Variants in MIPOL1 observed in about 807,000 individuals in gnomAD.
MIPOL1 encodes mirror-image polydactyly 1.
A neutral mutation model predicts 60.9 loss-of-function variants in MIPOL1; 57 were observed. The observed-to-expected ratio is 0.94, with a 90% CI of 0.76 to 1.17. MIPOL1 has a LOEUF of 1.17. Among genes scored for constraint, MIPOL1 ranks in the 50% most tolerant of loss-of-function variants. The pLI, the probability that MIPOL1 is intolerant of heterozygous loss-of-function variation, is 0.00. For missense variants in MIPOL1, 551 were observed against 511.6 expected (o/e 1.08, Z -0.74); for synonymous variants, 179 against 168.8 (o/e 1.06, Z -0.47).
At chr14:37,527,147 T>C (rs1395526664) in intron 12 of MIPOL1, among the ~76,000 whole-genome samples, 1 of 152,086 alleles carries the variant, frequency 6.6e-6, no homozygotes, top group East Asian at 1.9e-4. Context: ...TTATAAAAAC[T>C]CTGAGTAGTA....
chr14:37,313,908 T>C (rs2087609093), intron 9 of MIPOL1, among the ~76,000 whole-genome samples: 1 of 152,148 alleles, frequency 6.6e-6, no homozygotes, highest in South Asian at 2.1e-4. Flanking sequence ...TATTTTCACA[T>C]CCTTCAACCT....
At chr14:37,214,413 A>G (rs149483053) in intron 1 of MIPOL1, among the ~76,000 whole-genome samples, 2 of 152,314 alleles carry the variant, frequency 1.3e-5, no homozygotes, top group African/African-American at 2.4e-5. Flanking sequence ...GATTAAAATA[A>G]TGGGTTATAG....
At chr14:37,539,418 T>A (rs1160785796) in intron 12 of MIPOL1, among the ~76,000 whole-genome samples, 1 of 152,120 alleles carries the variant, frequency 6.6e-6, no homozygotes, top group Non-Finnish European at 1.5e-5. Flanking sequence ...CAACGCTCAG[T>A]CTAAGCCCAT....
intron 12 of MIPOL1, among the ~76,000 whole-genome samples, chr14:37,527,895 C>T (rs2095457329): frequency 6.6e-6 from 1 of 151,806 alleles, no homozygotes; most frequent in Non-Finnish European, 1.5e-5. Flanking sequence ...AGTTTTTGAG[C>T]TTAATTCTCT....
At chr14:37,400,638 A>G (rs1206935767) in intron 10 of MIPOL1, 4 of 152,160 alleles carry the variant, frequency 2.6e-5, no homozygotes, top group African/African-American at 9.6e-5. Flanking sequence ...TGAATGAATA[A>G]TAGAGAAGAA....
intron 9 of MIPOL1, among the ~76,000 whole-genome samples, chr14:37,318,159 T>G (rs1190017964): frequency 6.6e-6 from 1 of 152,184 alleles, no homozygotes; most frequent in Non-Finnish European, 1.5e-5. Context: ...AGAATCCTGG[T>G]CAATGATGTA....
chr14:37,515,675 G>A (rs2095363963), intron 12 of MIPOL1, among the ~76,000 whole-genome samples: 2 of 152,146 alleles, frequency 1.3e-5, no homozygotes, highest in African/African-American at 2.4e-5. Context: ...GCTAAGTTAT[G>A]TGTATTTCAC....
At chr14:37,409,951 G>A (rs1282879599) in intron 10 of MIPOL1, among the ~76,000 whole-genome samples, 3 of 152,058 alleles carry the variant, frequency 2.0e-5, no homozygotes, top group Admixed American at 6.5e-5. Context: ...GAATACAGGC[G>A]ATCCAGGAAA....
chr14:37,392,970 G>C (rs532999556), intron 10 of MIPOL1, among the ~76,000 whole-genome samples: 1 of 152,144 alleles, frequency 6.6e-6, no homozygotes, highest in Admixed American at 6.6e-5. Context: ...AAATGTAATT[G>C]AGTTAAAATA....
intron 11 of MIPOL1, among the ~76,000 whole-genome samples, chr14:37,457,466 G>A (rs564595877): frequency 1.1e-4 from 17 of 152,236 alleles, no homozygotes; most frequent in Non-Finnish European, 2.2e-4. Context: ...ACACTTGGCA[G>A]TAGTGAGATG....
At chr14:37,219,130 C>A (rs941497248) in intron 1 of MIPOL1, among the ~76,000 whole-genome samples, 1 of 152,016 alleles carries the variant, frequency 6.6e-6, no homozygotes, top group Non-Finnish European at 1.5e-5. Context: ...AAGTTACTAA[C>A]AGGAATCATC....
chr14:37,336,885 C>T (rs1393990935), intron 9 of MIPOL1, among the ~76,000 whole-genome samples: 5 of 151,930 alleles, frequency 3.3e-5, no homozygotes, highest in Non-Finnish European at 7.4e-5. Context: ...CTCAGCCTCC[C>T]GAGTAGCTGG....
rs756604780 is a variant in MIPOL1 at position 37,369,507 on chromosome 14, C to T, written c.829-10C>T. 4 of 1,602,512 alleles carry T rather than the reference C, an allele frequency of 2.5e-6. No homozygotes were observed. Among genetic ancestry groups the T allele is most frequent in the Admixed American group, 1.7e-5 (1 of 59,612 alleles). Reference sequence around the variant, plus strand: ...CTCCTTTACTTAATGGGATTCTTCCCCTGTGGCAGTGCAAACGGTTAGAGC... The same window carrying T: ...CTCCTTTACTTAATGGGATTCTTCCTCTGTGGCAGTGCAAACGGTTAGAGC... On this transcript the variant is annotated splice_polypyrimidine_tract_variant and intron_variant, in intron 9 of 12. Transcript: ENST00000684589.
At chr14:37,434,828 T>G (rs1451002734) in intron 11 of MIPOL1, among the ~76,000 whole-genome samples, 1 of 147,568 alleles carries the variant, frequency 6.8e-6, no homozygotes, top group Non-Finnish European at 1.5e-5. Context: ...CAAAGTCTAC[T>G]GATTAAACAT....
At chr14:37,337,789 A>T (rs926393809) in intron 9 of MIPOL1, among the ~76,000 whole-genome samples, 2 of 152,048 alleles carry the variant, frequency 1.3e-5, no homozygotes, top group Admixed American at 6.6e-5. Context: ...AAGTTGTTTT[A>T]ATCAGATATA....
chr14:37,215,254 C>T (rs536647249), intron 1 of MIPOL1, among the ~76,000 whole-genome samples: 2 of 152,140 alleles, frequency 1.3e-5, no homozygotes, highest in African/African-American at 4.8e-5. Context: ...ACCCTGCCCC[C>T]TTGTCTTGTA....
At chr14:37,355,867 T>C (rs1054257066) in intron 9 of MIPOL1, among the ~76,000 whole-genome samples, 4 of 149,808 alleles carry the variant, frequency 2.7e-5, no homozygotes, top group Non-Finnish European at 6.0e-5. Flanking sequence ...CTCCTGTAGC[T>C]CAGAGTAATT....
In MIPOL1 at chr14:37,548,727, C is replaced by T. The variant is rs937626303; in HGVS notation, c.*1756C>T. On this transcript the variant is annotated 3_prime_UTR_variant, in exon 13 of 13. Coordinates refer to ENST00000684589, the MANE Select transcript of MIPOL1 (RefSeq NM_001388067.1). Reference sequence around the variant, plus strand: ...TAAATCACAAGTAAATTTGAATTTTCGGTTTAATGTTGAAAGCAGATGAAC... The same window carrying T: ...TAAATCACAAGTAAATTTGAATTTTTGGTTTAATGTTGAAAGCAGATGAAC... The T allele has an allele frequency of 2.0e-5, 3 of 151,886 alleles. No homozygotes were observed. Among genetic ancestry groups the T allele is most frequent in the African/African-American group, 7.2e-5 (3 of 41,428 alleles). The allele number at this position is 151,886 out of a possible 1,614,324, so 9.4% of individuals were successfully genotyped here. A position where few individuals can be genotyped will look rare whatever the true frequency, so the allele number is the denominator to read the frequency against.
At chr14:37,397,212 C>T (rs1286920141) in intron 10 of MIPOL1, among the ~76,000 whole-genome samples, 1 of 152,100 alleles carries the variant, frequency 6.6e-6, no homozygotes, top group Non-Finnish European at 1.5e-5. Context: ...ATGTGGCTTC[C>T]TGTGAGCCAA....
Sources: allele counts gnomAD v4.1 joint callset (sites outside exome capture counted in the v4.1 genomes callset), GRCh38; gene constraint gnomAD v4.1.1; transcripts MANE v1.5; gene names NCBI Gene and HGNC (gene_info 2026-07-23, HGNC 2026-07-21).